ZNF469: variants seen among roughly 807,000 people sequenced by gnomAD.
The protein encoded by ZNF469 is zinc finger protein 469.
In ZNF469, 1 loss-of-function variant was observed where a neutral mutation model predicts 1.0. That is an observed-to-expected ratio of 1.00 (90% CI 0.35 to 4.73). The LOEUF (loss-of-function observed/expected upper bound fraction) is 4.73, where lower values mean the gene tolerates loss of function less well. ZNF469 is among the 30% of genes most tolerant of loss of function. The pLI, the probability that ZNF469 is intolerant of heterozygous loss-of-function variation, is 0.16. For missense variants in ZNF469, 6,100 were observed against 5,356.3 expected, an observed-to-expected ratio of 1.14 and a Z score of -4.33; for synonymous variants, 2,703 against 2,363.4, an observed-to-expected ratio of 1.14 and a Z score of -4.17.
the ZNF469 span, among the ~76,000 whole-genome samples, chr16:88,188,382 T>G: frequency 4.6e-5 from 7 of 152,100 alleles, no homozygotes; most frequent in Admixed American, 4.6e-4. Context: ...GGTGTCGTAC[T>G]GTCATCCTGG....
chr16:88,173,554 C>T, the ZNF469 span, among the ~76,000 whole-genome samples: 2 of 152,118 alleles, frequency 1.3e-5, no homozygotes, highest in Non-Finnish European at 2.9e-5. Context: ...TAGAGTGACA[C>T]AAATCAGTGA....
At chr16:88,205,821 G>C in the ZNF469 span, among the ~76,000 whole-genome samples, 21 of 152,258 alleles carry the variant, frequency 1.4e-4, no homozygotes, top group African/African-American at 3.9e-4. The surrounding 1 kb of genome is among the most constrained non-coding windows in gnomAD (Gnocchi z 4.2). Flanking sequence ...ACTCGCACAG[G>C]CCAGAAAAAA....
intron 1 of ZNF469, among the ~76,000 whole-genome samples, chr16:88,414,657 T>C (rs1320443582): frequency 6.6e-6 from 1 of 152,250 alleles, no homozygotes; most frequent in Non-Finnish European, 1.5e-5. Flanking sequence ...TCCTCTGTCC[T>C]GGCTGTGGCC....
chr16:88,279,521 T>C, the ZNF469 span, among the ~76,000 whole-genome samples: 1 of 144,606 alleles, frequency 6.9e-6, no homozygotes. Context: ...TGTGCCACAC[T>C]GACACTCGGT....
the ZNF469 span, among the ~76,000 whole-genome samples, chr16:88,202,165 G>A: frequency 2.6e-5 from 4 of 152,292 alleles, no homozygotes; most frequent in African/African-American, 9.6e-5. Context: ...GCGAATCCAC[G>A]TTGGCTGTCA....
the ZNF469 span, among the ~76,000 whole-genome samples, chr16:88,371,686 A>G: frequency 6.6e-6 from 1 of 152,228 alleles, no homozygotes; most frequent in African/African-American, 2.4e-5. Flanking sequence ...TCAGTGATGT[A>G]ACCATTGAGC....
At chr16:88,196,046 T>C in the ZNF469 span, among the ~76,000 whole-genome samples, 81,780 of 152,146 alleles carry the variant, frequency 0.54, 22,129 homozygotes, top group South Asian at 0.58. Context: ...CTGTTTTTCC[T>C]GGAGACCTGT....
upstream of ZNF469, among the ~76,000 whole-genome samples, chr16:88,380,032 T>C (rs2092516737): frequency 6.6e-6 from 1 of 151,962 alleles, no homozygotes; most frequent in Admixed American, 6.5e-5. Flanking sequence ...CTTGTGTGCA[T>C]GCATACACAT....
At chr16:88,403,155 T>C (rs4047492) in intron 1 of ZNF469, among the ~76,000 whole-genome samples, 112,025 of 152,046 alleles carry the variant, frequency 0.74, 41,543 homozygotes, top group Middle Eastern at 0.86. Flanking sequence ...GGTTGGGAGC[T>C]CGGGGCCAGT....
the ZNF469 span, among the ~76,000 whole-genome samples, chr16:88,326,393 T>C: frequency 6.6e-6 from 1 of 152,230 alleles, no homozygotes; most frequent in Admixed American, 6.5e-5. Flanking sequence ...TGTAAGTCCA[T>C]TAAACCTCTT....
chr16:88,264,884 G>A, the ZNF469 span, among the ~76,000 whole-genome samples: 1 of 152,164 alleles, frequency 6.6e-6, no homozygotes, highest in Admixed American at 6.5e-5. Context: ...AGTGGGTCTG[G>A]GGGCTCCTGA....
chr16:88,138,304 C>T, the ZNF469 span, among the ~76,000 whole-genome samples: 2 of 152,212 alleles, frequency 1.3e-5, no homozygotes, highest in Admixed American at 6.5e-5. Context: ...GTGCTGGGAT[C>T]GGCCCCTCCC....
At chr16:88,240,974 C>T in the ZNF469 span, among the ~76,000 whole-genome samples, 1 of 152,134 alleles carries the variant, frequency 6.6e-6, no homozygotes, top group Non-Finnish European at 1.5e-5. Flanking sequence ...CATCTTCCTG[C>T]AGGCCCTGGC....
At chr16:88,159,250 C>A in the ZNF469 span, among the ~76,000 whole-genome samples, 1 of 151,772 alleles carries the variant, frequency 6.6e-6, no homozygotes, top group Non-Finnish European at 1.5e-5. Context: ...TGTGTGAGCT[C>A]TTTCCCCTAC....
At chr16:88,318,382 G>C in the ZNF469 span, among the ~76,000 whole-genome samples, 11 of 152,206 alleles carry the variant, frequency 7.2e-5, no homozygotes, top group African/African-American at 2.7e-4. Context: ...TCCATGCTCT[G>C]TGCCCATTCG....
the ZNF469 span, among the ~76,000 whole-genome samples, chr16:88,215,850 A>G: frequency 0.33 from 50,643 of 152,000 alleles, 8,683 homozygotes; most frequent in Non-Finnish European, 0.35. Flanking sequence ...TACTACTTTT[A>G]TGTTTTTGTG....
Position 88,435,926 on chromosome 16 carries a change from A to C in ZNF469, c.8456A>C (p.Gln2819Pro). The change falls in exon 3 of 3, where the codon CAG (glutamine) becomes CCG (proline). Residue 2819 changes from glutamine to proline, a missense_variant. By Grantham distance (76) the Gln-to-Pro change is moderately conservative. Transcript: ENST00000565624. Reference sequence around the variant, plus strand: ...GACAGCACCACCAGCAGCTGCCTCCAGGGCCTCCCGGACAACCCAGACACC... The same window carrying C: ...GACAGCACCACCAGCAGCTGCCTCCCGGGCCTCCCGGACAACCCAGACACC... The part of the protein sequence containing the change: ...PADSTTSSCL[Q>P]GLPDNPDTQG... The C allele has an allele frequency of 6.5e-7, 1 of 1,550,060 alleles. No homozygotes were observed. The highest frequency in any genetic ancestry group is 1.2e-5 in the South Asian group (1 of 84,064).
intron 1 of ZNF469, among the ~76,000 whole-genome samples, chr16:88,412,043 G>C (rs1905182098): frequency 6.6e-6 from 1 of 152,286 alleles, no homozygotes; most frequent in Admixed American, 6.5e-5. Flanking sequence ...TCTCCTGCCA[G>C]AGCCGAGTCA....
At chr16:88,185,885 CACTT>C in the ZNF469 span, among the ~76,000 whole-genome samples, 1 of 152,200 alleles carries the variant, frequency 6.6e-6, no homozygotes, top group African/African-American at 2.4e-5. Flanking sequence ...TGCACACACA[CACTT>C]ATGTGCGCAG....
Sources: allele counts gnomAD v4.1 joint callset (sites outside exome capture counted in the v4.1 genomes callset), GRCh38; gene constraint gnomAD v4.1.1; non-coding constraint Gnocchi (gnomAD v3.1); transcripts MANE v1.5; gene names NCBI Gene and HGNC (gene_info 2026-07-23, HGNC 2026-07-21).